The following CNGB3 variants were observed in gnomAD, a reference collection of about 807,000 sequenced individuals.
The protein encoded by CNGB3 is cyclic nucleotide gated channel subunit beta 3, also known as cyclic nucleotide-gated channel beta-3.
Under a neutral mutation model 92.8 loss-of-function variants are expected in CNGB3, and 86 were observed. The ratio of observed to expected loss-of-function variants is 0.93; its 90% CI spans 0.78 to 1.11. CNGB3 has a LOEUF of 1.11. Among genes scored for constraint, CNGB3 ranks in the 50% least tolerant of loss-of-function variants. The pLI is 0.00. For missense variants in CNGB3, 1,026 were observed against 956.8 expected (o/e 1.07, Z -0.95); for synonymous variants, 333 against 332.7 (o/e 1.00, Z -0.01).
chr8:86,626,022 A>G lies in CNGB3; in HGVS notation c.1539T>C (p.Asp513=), dbSNP rs1031447172. ...PTTVQLALAI[D]VNFSIISKVD... ...CTTTGCTGATGATGCTGAAGTTCAC[A>G]TCAATGGCGAGGGCTAACTGGACCG... is the stretch of plus-strand genomic sequence containing the variant. Residue 513 remains aspartate (D), a synonymous_variant, in exon 13 of 18, where the codon GAT becomes GAC. Coordinates refer to ENST00000320005, the MANE Select transcript of CNGB3 (RefSeq NM_019098.5). The G allele has an allele frequency of 1.9e-6, 3 of 1,613,772 alleles. No individual in the cohort carries two copies. Among genetic ancestry groups the G allele is most frequent in the Non-Finnish European group, 2.5e-6 (3 of 1,179,902 alleles).
intron 7 of CNGB3, among the ~76,000 whole-genome samples, chr8:86,648,198 A>G (rs1823326574): frequency 6.6e-6 from 1 of 151,230 alleles, no homozygotes; most frequent in Admixed American, 6.6e-5. Context: ...ATGTTAAAAT[A>G]CGTTTTAACA....
intron 3 of CNGB3, among the ~76,000 whole-genome samples, chr8:86,672,048 G>A (rs994515334): frequency 2.0e-5 from 3 of 152,120 alleles, no homozygotes; most frequent in African/African-American, 7.2e-5. Context: ...AATTTGTTAT[G>A]TGGCAATAGA....
rs267606739 is a variant in CNGB3, at chr8:86,668,055, G to T, written c.607C>A (p.Arg203=). 8 of 1,613,758 alleles carry T rather than the reference G, an allele frequency of 5.0e-6. No individual in the cohort carries two copies. Among genetic ancestry groups the T allele is most frequent in the Non-Finnish European group, 6.8e-6 (8 of 1,179,948 alleles). Residue 203 remains arginine (R), a synonymous_variant, in exon 5 of 18, where the codon CGA becomes AGA. Transcript: ENST00000320005. ...TCTATGCTGTTTGGAAGTTTAATTC[G>T]CTTTAAGTACTCTGTTAAAGGCATC... ...KKMPLTEYLK[R]IKLPNSIDSY...
At chr8:86,595,433 G>A (rs1431676382) in intron 15 of CNGB3, among the ~76,000 whole-genome samples, 1 of 152,208 alleles carries the variant, frequency 6.6e-6, no homozygotes, top group Non-Finnish European at 1.5e-5. Flanking sequence ...GACACTGATT[G>A]TATATTTGTT....
intron 17 of CNGB3, 37 bp from the exon 18 acceptor site, chr8:86,576,167 C>G: frequency 6.3e-7 from 1 of 1,595,302 alleles, no homozygotes; most frequent in Admixed American, 1.7e-5. Flanking sequence ...GTGTTGAAAT[C>G]GTAATTAAAA....
chr8:86,692,346 G>C (rs535408744), intron 3 of CNGB3, among the ~76,000 whole-genome samples: 1 of 152,150 alleles, frequency 6.6e-6, no homozygotes, highest in East Asian at 1.9e-4. Context: ...CACTAATATC[G>C]TGTTGCCATC....
chr8:86,684,043 T>C (rs765464900), intron 3 of CNGB3, among the ~76,000 whole-genome samples: 13 of 152,076 alleles, frequency 8.5e-5, no homozygotes, highest in Non-Finnish European at 1.5e-4. Flanking sequence ...GTTAAAAGCA[T>C]GAAAAGGCAA....
intron 10 of CNGB3, among the ~76,000 whole-genome samples, chr8:86,642,048 T>A (rs1823199025): frequency 6.6e-6 from 1 of 151,742 alleles, no homozygotes; most frequent in Non-Finnish European, 1.5e-5. Flanking sequence ...ACTCCCCCTC[T>A]CTCTTCCTGC....
chr8:86,712,115 A>G (rs1394982443), intron 3 of CNGB3, among the ~76,000 whole-genome samples: 1 of 152,054 alleles, frequency 6.6e-6, no homozygotes, highest in Admixed American at 6.6e-5. Flanking sequence ...ATTTAATTAA[A>G]TCATTAACAA....
At chr8:86,707,718 T>G (rs1049240402) in intron 3 of CNGB3, 2 of 152,182 alleles carry the variant, frequency 1.3e-5, no homozygotes, top group African/African-American at 2.4e-5. Flanking sequence ...CCGGTGAATA[T>G]AGACCATATG....
chr8:86,695,199 C>T (rs369124784), intron 3 of CNGB3, among the ~76,000 whole-genome samples: 211 of 152,168 alleles, frequency 1.4e-3, no homozygotes, highest in South Asian at 8.1e-3. Flanking sequence ...GGCAGGCACT[C>T]GGCAGGAGAA....
chr8:86,594,468 C>T (rs571645381), intron 15 of CNGB3: 3 of 280,922 alleles, frequency 1.1e-5, no homozygotes, highest in Non-Finnish European at 2.1e-5. Context: ...GTGGTAAAGA[C>T]GTGGTCCAGG....
chr8:86,618,378 C>T (rs921478323), intron 13 of CNGB3, among the ~76,000 whole-genome samples: 1 of 152,146 alleles, frequency 6.6e-6, no homozygotes, highest in South Asian at 2.1e-4. Context: ...TGTAGAAACT[C>T]CCACATGGTT....
intron 3 of CNGB3, among the ~76,000 whole-genome samples, chr8:86,704,762 A>T (rs1824620766): frequency 6.6e-6 from 1 of 152,192 alleles, no homozygotes; most frequent in Non-Finnish European, 1.5e-5. Flanking sequence ...AATAAATTAT[A>T]ATCTAAATTG....
chr8:86,664,772 T>G (rs1343004138), intron 6 of CNGB3, among the ~76,000 whole-genome samples: 1 of 152,120 alleles, frequency 6.6e-6, no homozygotes, highest in East Asian at 1.9e-4. Context: ...GATGCCATAT[T>G]CATTAAAAAA....
intron 3 of CNGB3, among the ~76,000 whole-genome samples, chr8:86,713,950 C>A (rs973158088): frequency 1.3e-5 from 2 of 152,126 alleles, no homozygotes; most frequent in African/African-American, 4.8e-5. Flanking sequence ...CCTTGCATAA[C>A]CTTCCCCATT....
chr8:86,659,801 CT>C lies in CNGB3; in HGVS notation c.853-5740del, dbSNP rs368708161. On this transcript the variant is annotated intron_variant, in intron 6 of 17. Coordinates refer to ENST00000320005, the MANE Select transcript of CNGB3 (RefSeq NM_019098.5). The stretch of plus-strand genomic sequence containing the variant: ...CTCCCTGCTTTCAGTTGCTTGCTTT[CT>C]TTTCTTCTTCCAGTTGATCCAGAAT... 509 of 384,126 alleles carry C rather than the reference CT, an allele frequency of 1.3e-3. 13 individuals carry two copies. The highest frequency in any genetic ancestry group is 9.3e-3 in the African/African-American group (438 of 47,214). 23.8% of individuals were successfully genotyped at this position (384,126 alleles called of 1,614,324 possible).
At chr8:86,582,180 A>C (rs1167846377) in intron 15 of CNGB3, among the ~76,000 whole-genome samples, 1 of 152,078 alleles carries the variant, frequency 6.6e-6, no homozygotes, top group Non-Finnish European at 1.5e-5. Context: ...GGATCACTTG[A>C]GCTCAGAGTT....
intron 3 of CNGB3, among the ~76,000 whole-genome samples, chr8:86,697,613 C>T (rs10098454): frequency 0.58 from 88,550 of 152,014 alleles, 26,548 homozygotes; most frequent in South Asian, 0.74. Flanking sequence ...GCAAAACTCA[C>T]TTGCTATCTA....
Sources: allele counts gnomAD v4.1 joint callset (sites outside exome capture counted in the v4.1 genomes callset), GRCh38; gene constraint gnomAD v4.1.1; transcripts MANE v1.5; gene names NCBI Gene and HGNC (gene_info 2026-07-23, HGNC 2026-07-21).